Variants in STXBP4 observed in about 807,000 individuals in gnomAD.
STXBP4 encodes syntaxin binding protein 4.
STXBP4 carries 55 observed loss-of-function variants against 76.1 expected under a neutral mutation model. The ratio of observed to expected loss-of-function variants is 0.72; its 90% CI spans 0.58 to 0.91. The LOEUF (loss-of-function observed/expected upper bound fraction) is 0.91, where lower values mean the gene tolerates loss of function less well. STXBP4 is among the 40% of genes least tolerant of loss of function. The pLI, the probability that STXBP4 is intolerant of heterozygous loss-of-function variation, is 0.00. For missense variants in STXBP4, 618 were observed against 636.9 expected (o/e 0.97, Z 0.32); for synonymous variants, 201 against 220.2 (o/e 0.91, Z 0.77).
intron 1 of STXBP4, among the ~76,000 whole-genome samples, chr17:54,973,203 C>A (rs1342522790): frequency 6.6e-6 from 1 of 152,158 alleles, no homozygotes; most frequent in African/African-American, 2.4e-5. Flanking sequence ...CAAGCCTAAT[C>A]GGTTGGGTAG....
At chr17:55,188,962 T>C in the STXBP4 span, among the ~76,000 whole-genome samples, 1 of 152,256 alleles carries the variant, frequency 6.6e-6, no homozygotes, top group Non-Finnish European at 1.5e-5. Context: ...CACTGTCTGC[T>C]TCCAGACCTG....
chr17:55,045,217 G>A (rs1385997443), intron 11 of STXBP4, among the ~76,000 whole-genome samples: 1 of 151,950 alleles, frequency 6.6e-6, no homozygotes, highest in African/African-American at 2.4e-5. Context: ...TACTATAAGA[G>A]TATTTTATAT....
Position 55,144,015 on chromosome 17 carries a change from A to G in STXBP4, c.1547+2648A>G, listed in dbSNP as rs867304281. On this transcript the variant is annotated intron_variant, in intron 17 of 17. Coordinates refer to ENST00000376352, the MANE Select transcript of STXBP4 (RefSeq NM_178509.6). ...GCCCCAAAGCCACCTGCACACACAC[A>G]CACACACACACACACACACACACAC... 8.1e-3 allele frequency among the ~76,000 whole-genome samples: 1,046 copies of G among 129,328 alleles called. 8 individuals carry two copies. The highest frequency in any genetic ancestry group is 0.015 in the Middle Eastern group (4 of 272). The allele number at this position is 129,328 out of a possible 152,430, so 84.8% of individuals were successfully genotyped here.
intron 4 of STXBP4, 56 bp from the exon 5 acceptor site, chr17:54,999,285 CAATT>C: frequency 2.2e-6 from 3 of 1,353,904 alleles, no homozygotes; most frequent in Non-Finnish European, 3.1e-6. Flanking sequence ...TTAATTACAT[CAATT>C]AATTTTTTTT....
the STXBP4 span, among the ~76,000 whole-genome samples, chr17:55,199,774 T>C: frequency 2.6e-5 from 4 of 152,198 alleles, no homozygotes; most frequent in South Asian, 4.1e-4. Context: ...TACTCAATGG[T>C]TTTCCATTTC....
rs554724819 is a variant in STXBP4 at position 55,084,658 on chromosome 17, A to G, written c.1489+3475A>G. On this transcript the variant is annotated intron_variant, in intron 16 of 17. Transcript: ENST00000376352. ...TAATCCATCTTGAATTGATTTTTGT[A>G]TAAGGTGTAAGGAAGGGATCCAGTT... is the stretch of plus-strand genomic sequence containing the variant. 3.4e-3 allele frequency among the ~76,000 whole-genome samples: 520 copies of G among 151,880 alleles called. 6 individuals are homozygous for G. The highest frequency in any genetic ancestry group is 0.012 in the African/African-American group (504 of 41,406).
chr17:55,135,629 C>CT (rs2080020678), intron 16 of STXBP4, among the ~76,000 whole-genome samples: 1 of 152,000 alleles, frequency 6.6e-6, no homozygotes, highest in African/African-American at 2.4e-5. Context: ...GGAAAATTAG[C>CT]TAGTAGTTCT....
rs2145212358 is a variant in STXBP4, at chr17:55,169,074, T to C, written c.*9163T>C. The C allele has an allele frequency of 6.6e-6, 1 of 152,314 alleles. No individual in the cohort carries two copies. The highest frequency in any genetic ancestry group is 2.1e-4 in the South Asian group (1 of 4,824). 9.4% of individuals were successfully genotyped at this position (152,314 alleles called of 1,614,324 possible). On this transcript the variant is annotated 3_prime_UTR_variant, in exon 18 of 18. Coordinates refer to ENST00000376352, the MANE Select transcript of STXBP4 (RefSeq NM_178509.6). ...ACAGTAACTGCAGGACATCAATTAT[T>C]GTAAGACACTTCCTGTAATATGTTT...
the STXBP4 span, among the ~76,000 whole-genome samples, chr17:55,190,610 A>T: frequency 1.3e-5 from 2 of 152,288 alleles, no homozygotes; most frequent in Non-Finnish European, 2.9e-5. Flanking sequence ...AAATAATATC[A>T]TAAATAAAGG....
At chr17:55,097,662 CA>C (rs200058182) in intron 16 of STXBP4, among the ~76,000 whole-genome samples, 3,150 of 135,180 alleles carry the variant, frequency 0.023, 81 homozygotes, top group East Asian at 0.16. Context: ...GACTCCATCT[CA>C]AAAAAAAAAA....
At chr17:55,050,984 A>C (rs1172568731) in intron 12 of STXBP4, among the ~76,000 whole-genome samples, 1 of 152,094 alleles carries the variant, frequency 6.6e-6, no homozygotes, top group East Asian at 1.9e-4. Flanking sequence ...GTATTCTTAG[A>C]GAGGTGTCAC....
chr17:55,027,265 C>T (rs2078432914), intron 8 of STXBP4, among the ~76,000 whole-genome samples: 1 of 152,178 alleles, frequency 6.6e-6, no homozygotes, highest in African/African-American at 2.4e-5. Context: ...GACTTTGCCC[C>T]TCCACCCACT....
downstream of STXBP4, among the ~76,000 whole-genome samples, chr17:55,175,419 A>G (rs2080426292): frequency 1.3e-5 from 2 of 152,348 alleles, no homozygotes; most frequent in South Asian, 4.1e-4. Flanking sequence ...CTTGAGAATT[A>G]ACTTCAAGAA....
At chr17:55,132,337 T>C (rs1438810229) in intron 16 of STXBP4, among the ~76,000 whole-genome samples, 3 of 151,978 alleles carry the variant, frequency 2.0e-5, no homozygotes, top group Non-Finnish European at 2.9e-5. Context: ...ATTACAGGTG[T>C]GTGCCACCAC....
chr17:55,210,468 T>C, the STXBP4 span, among the ~76,000 whole-genome samples: 1 of 152,246 alleles, frequency 6.6e-6, no homozygotes, highest in Non-Finnish European at 1.5e-5. Flanking sequence ...TCTGTGATGT[T>C]GGCAGGTTGC....
chr17:55,098,649 T>G (rs1010625278), intron 16 of STXBP4, among the ~76,000 whole-genome samples: 2 of 152,200 alleles, frequency 1.3e-5, no homozygotes, highest in Non-Finnish European at 2.9e-5. Context: ...GAGGATAGTT[T>G]GGATTGAGAG....
the STXBP4 span, among the ~76,000 whole-genome samples, chr17:55,204,582 A>G: frequency 6.6e-6 from 1 of 152,142 alleles, no homozygotes; most frequent in Admixed American, 6.6e-5. Context: ...CAACAGTCAC[A>G]ATAAAAGTAG....
At chr17:55,011,064 T>A (rs2078100881) in intron 8 of STXBP4, among the ~76,000 whole-genome samples, 1 of 152,082 alleles carries the variant, frequency 6.6e-6, no homozygotes, top group Admixed American at 6.5e-5. Context: ...TAACATGACA[T>A]GTGGTATTCT....
intron 16 of STXBP4, among the ~76,000 whole-genome samples, chr17:55,120,484 A>G (rs563434258): frequency 1.3e-5 from 2 of 152,346 alleles, no homozygotes; most frequent in South Asian, 4.1e-4. Flanking sequence ...CTAGCATCAG[A>G]AGTCTGAGGT....
Sources: allele counts gnomAD v4.1 joint callset (sites outside exome capture counted in the v4.1 genomes callset), GRCh38; gene constraint gnomAD v4.1.1; transcripts MANE v1.5; gene names NCBI Gene and HGNC (gene_info 2026-07-23, HGNC 2026-07-21).